Variants in UGT2A1 observed in about 807,000 individuals in gnomAD.
UGT2A1 encodes the protein UDP-glucuronosyltransferase 2A1.
UGT2A1 carries 61 observed loss-of-function variants against 45.4 expected under a neutral mutation model. That is an observed-to-expected ratio of 1.34 (90% CI 1.09 to 1.66). UGT2A1 has a LOEUF of 1.66. UGT2A1 is among the 40% of genes most tolerant of loss of function. UGT2A1 has a pLI of 0.00. For synonymous variants in UGT2A1, 229 were observed against 196.2 expected, an observed-to-expected ratio of 1.17 and a Z score of -1.40; for missense variants, 649 against 574.3, an observed-to-expected ratio of 1.13 and a Z score of -1.33.
intron 1 of UGT2A1, among the ~76,000 whole-genome samples, chr4:69,651,180 ATG>A (rs1018333124): frequency 2.0e-5 from 3 of 152,190 alleles, no homozygotes; most frequent in Non-Finnish European, 4.4e-5. Flanking sequence ...AGAAAACTAA[ATG>A]AAGTTATATT....
intron 4 of UGT2A1, among the ~76,000 whole-genome samples, chr4:69,595,865 A>C (rs1718892196): frequency 6.6e-6 from 1 of 152,160 alleles, no homozygotes; most frequent in South Asian, 2.1e-4. Flanking sequence ...TTTTAGCATA[A>C]TTTCTCCCTG....
chr4:69,642,029 C>T (rs935683068), intron 2 of UGT2A1, among the ~76,000 whole-genome samples: 1 of 151,644 alleles, frequency 6.6e-6, no homozygotes, highest in African/African-American at 2.4e-5. Flanking sequence ...GAGAGTCTCC[C>T]CATAAGGCAG....
rs1231581921 is a variant in UGT2A1 at position 69,589,580 on chromosome 4, A to T, written c.1376T>A (p.Val459Asp). 6.2e-7 allele frequency: 1 copy of T among 1,614,026 alleles called. No homozygotes were observed. The highest frequency in any genetic ancestry group is 8.5e-7 in the Non-Finnish European group (1 of 1,179,932). ...DQPVKPLDRA[V>D]FWIEFVMRHK... is the part of the protein sequence containing the mutation. ...GCGCATGACAAACTCGATCCAGAAG[A>T]CTGCTCGATCCAGGGGCTTTACAGG... The change falls in exon 7 of 7, where the codon GTC (valine) becomes GAC (aspartate). Residue 459 changes from valine to aspartate, a missense_variant. Val to Asp is a radical substitution (Grantham distance 152). Transcript: ENST00000286604.
intron 2 of UGT2A1, among the ~76,000 whole-genome samples, chr4:69,641,279 C>T (rs774609699): frequency 2.6e-5 from 4 of 151,794 alleles, no homozygotes; most frequent in Non-Finnish European, 4.4e-5. Context: ...ATGTATATAA[C>T]GCTTTTAATT....
chr4:69,590,300 C>G (rs1718514102), intron 6 of UGT2A1, among the ~76,000 whole-genome samples: 1 of 152,194 alleles, frequency 6.6e-6, no homozygotes, highest in Non-Finnish European at 1.5e-5. Context: ...AGCTCTAAAT[C>G]AACTTGCCAT....
At chr4:69,607,217 A>AGCATGGTACTG (rs1235323614) in intron 3 of UGT2A1, among the ~76,000 whole-genome samples, 8 of 150,460 alleles carry the variant, frequency 5.3e-5, no homozygotes, top group Non-Finnish European at 8.9e-5. Context: ...GTACCAAAAC[A>AGCATGGTACTG]GAGATAAAGA....
chr4:69,627,475 G>T (rs1577987013), intron 3 of UGT2A1, among the ~76,000 whole-genome samples: 2 of 63,624 alleles, frequency 3.1e-5, no homozygotes, highest in Non-Finnish European at 6.6e-5. Flanking sequence ...CAGGCAGGCA[G>T]GCAGGCAGGC....
At chr4:69,643,937 C>A (rs1287178961) in intron 2 of UGT2A1, among the ~76,000 whole-genome samples, 1 of 151,550 alleles carries the variant, frequency 6.6e-6, no homozygotes, top group Non-Finnish European at 1.5e-5. Context: ...CAAAGACTTG[C>A]ACAAAAATAA....
chr4:69,651,337 G>T (rs1722516478), intron 1 of UGT2A1, among the ~76,000 whole-genome samples: 1 of 152,006 alleles, frequency 6.6e-6, no homozygotes, highest in South Asian at 2.1e-4. Flanking sequence ...GAAACACATT[G>T]TATGCCTGTA....
At position 69,594,336 on chromosome 4, in the gene UGT2A1, G is replaced by C. The variant is rs944416728; in HGVS notation, c.1304+141C>G. The C allele has an allele frequency of 4.3e-6, 5 of 1,154,870 alleles. No homozygotes were observed. In the African/African-American group the frequency reaches 7.9e-5, roughly 18 times the overall value. 71.5% of individuals were successfully genotyped at this position (1,154,870 alleles called of 1,614,324 possible). On this transcript the variant is annotated intron_variant, in intron 6 of 6. Transcript: ENST00000286604. ...TTCAGCAAATCACTTTAGCAGTTTGGCAAATAAAATAGTTTTTATATTGGT... is the reference window on the plus strand; with the variant it reads ...TTCAGCAAATCACTTTAGCAGTTTGCCAAATAAAATAGTTTTTATATTGGT...
At position 69,647,168 on chromosome 4, in the gene UGT2A1, T is replaced by C. The variant is rs772679152; in HGVS notation, c.477A>G (p.Val159=). The C allele has an allele frequency of 6.2e-7, 1 of 1,613,170 alleles. No homozygotes were observed. The highest frequency in any genetic ancestry group is 8.5e-7 in the Non-Finnish European group (1 of 1,179,418). ...TAAATGGAATTCCAAGTTTTAAAGC[T>C]ACTATATCGCCACAAGGAAATACTG... ...SDPVFPCGDI[V]ALKLGIPFMY... The change falls in exon 2 of 7, where the codon GTA becomes GTG. Residue 159 remains valine, a synonymous_variant. Coordinates refer to ENST00000286604, the MANE Select transcript of UGT2A1 (RefSeq NM_001252275.3).
chr4:69,640,387 C>T (rs990641243), intron 2 of UGT2A1, among the ~76,000 whole-genome samples: 2 of 151,796 alleles, frequency 1.3e-5, no homozygotes, highest in Non-Finnish European at 2.9e-5. Context: ...AGAGTAAGAG[C>T]GTAGTAATGT....
At chr4:69,631,011 C>A (rs1195816082) in intron 3 of UGT2A1, among the ~76,000 whole-genome samples, 3 of 152,126 alleles carry the variant, frequency 2.0e-5, no homozygotes, top group African/African-American at 7.2e-5. Context: ...GATGTCCCAG[C>A]TCTCTAGATA....
intron 3 of UGT2A1, among the ~76,000 whole-genome samples, chr4:69,632,211 G>T (rs904385416): frequency 6.6e-6 from 1 of 152,090 alleles, no homozygotes; most frequent in Admixed American, 6.5e-5. Flanking sequence ...AAATATAACA[G>T]AAATTACAAA....
chr4:69,599,341 G>T lies in UGT2A1; in HGVS notation c.901C>A (p.Arg301=), dbSNP rs138827969. 5 of 1,613,602 alleles carry T rather than the reference G, an allele frequency of 3.1e-6. No individual in the cohort carries two copies. Among genetic ancestry groups the T allele is most frequent in the Non-Finnish European group, 3.4e-6 (4 of 1,179,876 alleles). The change falls in exon 4 of 7, where the codon CGA becomes AGA. Residue 301 remains arginine (R), a synonymous_variant. Coordinates refer to ENST00000286604, the MANE Select transcript of UGT2A1 (RefSeq NM_001252275.3). ...TMGKAEIWLI[R]TYWDFEFPRP... ...GGAAATTCAAAATCCCAATATGTTC[G>T]GATTAACCAAATTTCAGCTTTCCCC...
At chr4:69,592,854 T>C (rs527670114) in intron 6 of UGT2A1, among the ~76,000 whole-genome samples, 52 of 152,202 alleles carry the variant, frequency 3.4e-4, no homozygotes, top group African/African-American at 1.3e-3. Context: ...ATTTTTTATC[T>C]TAGATTAACA....
At chr4:69,649,588 T>C (rs1191898624) in intron 1 of UGT2A1, among the ~76,000 whole-genome samples, 1 of 152,052 alleles carries the variant, frequency 6.6e-6, no homozygotes, top group Non-Finnish European at 1.5e-5. Flanking sequence ...AAATTCTTTT[T>C]AACAAAAGGG....
At chr4:69,595,106 G>A in intron 5 of UGT2A1, 56 bp downstream of exon 5, 4 of 1,590,640 alleles carry the variant, frequency 2.5e-6, no homozygotes, top group East Asian at 4.5e-5. Flanking sequence ...CTATTAAACA[G>A]TTACTTAACT....
intron 2 of UGT2A1, among the ~76,000 whole-genome samples, chr4:69,642,289 G>A (rs2109973737): frequency 6.6e-6 from 1 of 151,746 alleles, no homozygotes; most frequent in African/African-American, 2.4e-5. Context: ...TGTAATGCCG[G>A]TGGCTGTCAT....
Sources: allele counts gnomAD v4.1 joint callset (sites outside exome capture counted in the v4.1 genomes callset), GRCh38; gene constraint gnomAD v4.1.1; transcripts MANE v1.5; gene names NCBI Gene and HGNC (gene_info 2026-07-23, HGNC 2026-07-21).